Variants in ADGRG2 observed in about 807,000 individuals in gnomAD.
ADGRG2 encodes the protein G protein-coupled receptor 64.
ADGRG2 carries 26 observed loss-of-function variants against 74.1 expected under a neutral mutation model. That is an observed-to-expected ratio of 0.35 (90% CI 0.26 to 0.49). ADGRG2 has a LOEUF of 0.49. ADGRG2 is among the 20% of genes least tolerant of loss of function. The probability of loss-of-function intolerance (pLI) is 0.99; values close to 1 mark genes in which losing one functional copy is unlikely to be tolerated. For missense variants in ADGRG2, 619 were observed against 763.1 expected, an observed-to-expected ratio of 0.81 and a Z score of 2.22; for synonymous variants, 296 against 295.2, an observed-to-expected ratio of 1.00 and a Z score of -0.03.
chrX:19,009,588 CAA>C (rs772107781), intron 18 of ADGRG2, 36 bp downstream of exon 18: 28 of 1,140,307 alleles, frequency 2.5e-5, no homozygotes, highest in Non-Finnish European at 2.3e-5. Flanking sequence ...CAATCACACA[CAA>C]GAGAATGTTT....
Position 19,010,666 on chromosome X carries a change from T to G in ADGRG2, c.1212A>C (p.Gln404His). 2 of 1,210,155 alleles carry G rather than the reference T, an allele frequency of 1.7e-6. No homozygotes were observed. The highest frequency in any genetic ancestry group is 2.2e-6 in the Non-Finnish European group (2 of 894,277). ...GCGGGGAATGAAGGAGTCTGCTGAC[T>G]TGGTTGATCATTTCTCCTGCGAGGT... ...EPNLAGEMIN[Q>H]VSRLLHSPPD... is the part of the protein sequence containing the mutation. The change falls in exon 17 of 29, where the codon CAA becomes CAC. Residue 404 changes from glutamine (Q) to histidine (H), a missense_variant. Gln to His is a conservative substitution (Grantham distance 24). Coordinates refer to ENST00000379869, the MANE Select transcript of ADGRG2 (RefSeq NM_001079858.3).
intron 3 of ADGRG2, among the ~76,000 whole-genome samples, chrX:19,066,992 A>G (rs1427203797): frequency 1.8e-5 from 2 of 112,071 alleles, no homozygotes; most frequent in African/African-American, 6.5e-5. Context: ...AACACCAGAA[A>G]TAAACCCTCA....
chrX:19,112,648 A>AT (rs1304349411), intron 1 of ADGRG2, among the ~76,000 whole-genome samples: 5 of 95,196 alleles, frequency 5.3e-5, no homozygotes, highest in African/African-American at 2.7e-4. Flanking sequence ...TTAATGTTCT[A>AT]TTAAAAAAAA....
chrX:19,045,328 G>A (rs1486691456), intron 3 of ADGRG2, among the ~76,000 whole-genome samples: 1 of 43,452 alleles, frequency 2.3e-5, no homozygotes, highest in Non-Finnish European at 5.7e-5. Context: ...ATTATTTTGA[G>A]ACAGAGTCTC....
intron 3 of ADGRG2, among the ~76,000 whole-genome samples, chrX:19,049,825 T>C (rs932421708): frequency 9.0e-6 from 1 of 110,735 alleles, no homozygotes; most frequent in African/African-American, 3.3e-5. Context: ...GTGTCTAGAG[T>C]GATTCTGCTG....
At position 19,063,903 on chromosome X, in the gene ADGRG2, G is replaced by C. The variant is rs963968647; in HGVS notation, c.118+4814C>G. Among the ~76,000 whole-genome samples, 16 of 112,088 alleles carry C rather than the reference G, an allele frequency of 1.4e-4. No homozygotes were observed. The Admixed American group carries it at 1.5e-3, about 11-fold the overall frequency. ...AGTGGGGGAATATGCAAGTGAGACAGACAAGGGGGTGAATCCGGAAATGGG... is the reference window on the plus strand; with the variant it reads ...AGTGGGGGAATATGCAAGTGAGACACACAAGGGGGTGAATCCGGAAATGGG... On this transcript the variant is annotated intron_variant, in intron 3 of 28. Coordinates refer to ENST00000379869, the MANE Select transcript of ADGRG2 (RefSeq NM_001079858.3).
chrX:19,058,999 G>A (rs2061445204), intron 3 of ADGRG2, among the ~76,000 whole-genome samples: 1 of 111,982 alleles, frequency 8.9e-6, no homozygotes, highest in Non-Finnish European at 1.9e-5. Flanking sequence ...ATCCCAGGAT[G>A]AACAAATCAT....
intron 2 of ADGRG2, among the ~76,000 whole-genome samples, chrX:19,081,056 G>A (rs1194757069): frequency 9.0e-6 from 1 of 110,788 alleles, no homozygotes; most frequent in East Asian, 2.8e-4. Context: ...TAGCTTAATA[G>A]CCACTACTCA....
chrX:19,049,619 T>A (rs1344186385), intron 3 of ADGRG2, among the ~76,000 whole-genome samples: 1 of 108,408 alleles, frequency 9.2e-6, no homozygotes, highest in African/African-American at 3.5e-5. Context: ...ACTATGAGAT[T>A]TTTTTGTGAT....
intron 8 of ADGRG2, 63 bp downstream of exon 8, chrX:19,033,550 C>T: frequency 1.8e-6 from 1 of 549,372 alleles, no homozygotes; most frequent in Middle Eastern, 4.0e-4. Flanking sequence ...TAAACACCAG[C>T]CATTTGTTTA....
At position 19,003,981 on chromosome X, in the gene ADGRG2, G is replaced by A. The variant is rs1655033448; in HGVS notation, c.1961+777C>T. On this transcript the variant is annotated intron_variant, in intron 23 of 28. Coordinates refer to ENST00000379869, the MANE Select transcript of ADGRG2 (RefSeq NM_001079858.3). Reference sequence around the variant, plus strand: ...TCCGATGAAATCATTCTGAGTAATGGCTGGCCTTCTGGTTATTTAGTCTCA... The same window carrying A: ...TCCGATGAAATCATTCTGAGTAATGACTGGCCTTCTGGTTATTTAGTCTCA... Among the ~76,000 whole-genome samples the A allele has an allele frequency of 3.6e-5, 4 of 112,081 alleles. No homozygotes were observed. The South Asian group carries it at 1.5e-3, about 41-fold the overall frequency.
chrX:19,064,853 C>T (rs1246990740), intron 3 of ADGRG2, among the ~76,000 whole-genome samples: 2 of 111,601 alleles, frequency 1.8e-5, no homozygotes, highest in African/African-American at 3.3e-5. Flanking sequence ...AATTTCCTCA[C>T]CTGTAAAATA....
chrX:19,102,133 G>A (rs1386802847), intron 1 of ADGRG2, among the ~76,000 whole-genome samples: 2 of 103,699 alleles, frequency 1.9e-5, no homozygotes, highest in African/African-American at 3.4e-5. Context: ...CACTTTGGGA[G>A]GCCAAGGCAG....
chrX:19,059,842 A>G (rs2061461272), intron 3 of ADGRG2, among the ~76,000 whole-genome samples: 1 of 111,111 alleles, frequency 9.0e-6, no homozygotes, highest in Non-Finnish European at 1.9e-5. Context: ...TAAAGGCACT[A>G]TGAAGAAGGC....
At chrX:19,116,903 T>A (rs2062526410) in intron 1 of ADGRG2, among the ~76,000 whole-genome samples, 1 of 112,441 alleles carries the variant, frequency 8.9e-6, no homozygotes, top group Non-Finnish European at 1.9e-5. Flanking sequence ...AGATGAAAGA[T>A]AATTGAAAAT....
intron 1 of ADGRG2, among the ~76,000 whole-genome samples, chrX:19,091,972 T>C: frequency 8.9e-6 from 1 of 112,239 alleles, no homozygotes; most frequent in Middle Eastern, 4.6e-3. Flanking sequence ...TGGGTCTGGG[T>C]TGGATATAAA....
At chrX:19,114,945 T>C (rs1323661792) in intron 1 of ADGRG2, among the ~76,000 whole-genome samples, 1 of 111,754 alleles carries the variant, frequency 8.9e-6, no homozygotes, top group African/African-American at 3.3e-5. Context: ...TGTAAAATGA[T>C]GAGAATTGTA....
chrX:18,994,450 T>C (rs1023987720), intron 28 of ADGRG2, among the ~76,000 whole-genome samples: 8 of 110,164 alleles, frequency 7.3e-5, no homozygotes, highest in Non-Finnish European at 1.3e-4. Flanking sequence ...TGAGCTGAGA[T>C]TGCACCATTG....
chrX:19,012,847 T>C lies in ADGRG2; in HGVS notation c.1099+839A>G, dbSNP rs2060386152. Among the ~76,000 whole-genome samples the C allele has an allele frequency of 6.3e-5, 7 of 110,630 alleles. No individual in the cohort carries two copies. In the South Asian group the frequency reaches 2.3e-3, roughly 36 times the overall value. On this transcript the variant is annotated intron_variant, in intron 16 of 28. Transcript: ENST00000379869. Reference sequence around the variant, plus strand: ...AAATTCTAGAGGAAGACCTGCCTCTTACTCATGGAACTGAAACTTCAGTGT... The same window carrying C: ...AAATTCTAGAGGAAGACCTGCCTCTCACTCATGGAACTGAAACTTCAGTGT...
Sources: gnomAD v4.1 joint callset for allele counts (sites outside exome capture counted in the v4.1 genomes callset) on GRCh38, gnomAD v4.1.1 for gene constraint, MANE v1.5 for transcripts, NCBI Gene and HGNC (gene_info 2026-07-23, HGNC 2026-07-21) for gene names.